Variants in RANBP2 observed in about 807,000 individuals in gnomAD.
The protein encoded by RANBP2 is RAN binding protein 2, also known as E3 SUMO-protein ligase RanBP2.
In RANBP2, 57 loss-of-function variants were observed where a neutral mutation model predicts 303.6. The observed-to-expected ratio is 0.19, with a 90% CI of 0.15 to 0.23. RANBP2 has a LOEUF of 0.23. Among genes scored for constraint, RANBP2 ranks in the 10% least tolerant of loss-of-function variants. The pLI is 1.00. For synonymous variants in RANBP2, 1,167 were observed against 1,301.5 expected (o/e 0.90, Z 2.23); for missense variants, 3,138 against 3,780.8 (o/e 0.83, Z 4.46).
the RANBP2 span, among the ~76,000 whole-genome samples, chr2:109,703,578 G>T: frequency 6.6e-6 from 1 of 152,176 alleles, no homozygotes; most frequent in Non-Finnish European, 1.5e-5. Context: ...ACAGGCACGT[G>T]CCACCACGCC....
the RANBP2 span, among the ~76,000 whole-genome samples, chr2:109,436,004 C>T: frequency 7.9e-5 from 12 of 152,106 alleles, no homozygotes; most frequent in African/African-American, 1.4e-4. Flanking sequence ...TCTGTGTTGC[C>T]GGGAGCTTCC....
the RANBP2 span, among the ~76,000 whole-genome samples, chr2:109,386,493 C>T: frequency 6.6e-6 from 1 of 152,090 alleles, no homozygotes; most frequent in Non-Finnish European, 1.5e-5. Flanking sequence ...GGCGGGCTGT[C>T]CCTCAAACAA....
chr2:109,437,198 G>T, the RANBP2 span: 1 of 1,547,372 alleles, frequency 6.5e-7, no homozygotes, highest in South Asian at 1.2e-5. Context: ...GGGCTTCCTG[G>T]GACATGCTTG....
the RANBP2 span, chr2:109,544,791 A>G: frequency 3.8e-6 from 3 of 788,714 alleles, no homozygotes. Context: ...TCTTTCAAAA[A>G]TAATTGCATG....
the RANBP2 span, among the ~76,000 whole-genome samples, chr2:108,878,655 G>GA: frequency 1.3e-5 from 2 of 152,044 alleles, no homozygotes; most frequent in Admixed American, 1.3e-4. Context: ...CCTTTTATTT[G>GA]AAAAAAATTG....
chr2:109,585,759 G>T, the RANBP2 span: 3 of 1,613,460 alleles, frequency 1.9e-6, no homozygotes. Context: ...TTGCTGAATG[G>T]ATCTGTTCAC....
the RANBP2 span, among the ~76,000 whole-genome samples, chr2:109,404,867 C>T: frequency 1.7e-3 from 262 of 152,282 alleles, 1 homozygote; most frequent in Non-Finnish European, 2.7e-3. Context: ...GCCATCTTGA[C>T]CTCTTGGCAG....
At chr2:109,085,916 T>C in the RANBP2 span, among the ~76,000 whole-genome samples, 1 of 152,184 alleles carries the variant, frequency 6.6e-6, no homozygotes, top group South Asian at 2.1e-4. Context: ...ATCAAAACCA[T>C]TTTTAAGTGC....
At chr2:109,033,481 G>T in the RANBP2 span, among the ~76,000 whole-genome samples, 2 of 152,192 alleles carry the variant, frequency 1.3e-5, no homozygotes, top group African/African-American at 4.8e-5. Flanking sequence ...TAGCTGAGAA[G>T]ATGGGAGCCC....
the RANBP2 span, among the ~76,000 whole-genome samples, chr2:108,821,953 C>G: frequency 6.6e-6 from 1 of 151,502 alleles, no homozygotes; most frequent in Non-Finnish European, 1.5e-5. Context: ...AAAGTATGTC[C>G]TTCCTTTATC....
At chr2:109,142,157 C>T in the RANBP2 span, among the ~76,000 whole-genome samples, 3 of 151,958 alleles carry the variant, frequency 2.0e-5, no homozygotes, top group African/African-American at 4.8e-5. Context: ...TGGAGAGCAG[C>T]AAGGGAATGC....
chr2:109,443,638 AATT>A, the RANBP2 span, among the ~76,000 whole-genome samples: 1 of 152,248 alleles, frequency 6.6e-6, no homozygotes, highest in South Asian at 2.1e-4. Context: ...AATTTATAAA[AATT>A]ATTAGAGATA....
chr2:109,161,508 A>AT, the RANBP2 span, among the ~76,000 whole-genome samples: 1 of 151,496 alleles, frequency 6.6e-6, no homozygotes, highest in Non-Finnish European at 1.5e-5. Context: ...TCGTAAGGCG[A>AT]TGTTTCCTGG....
chr2:108,754,756 T>TA, intron 15 of RANBP2, 149 bp from the exon 16 acceptor site: 3 of 1,233,692 alleles, frequency 2.4e-6, no homozygotes, highest in South Asian at 3.1e-5. Context: ...AAAAGATAAT[T>TA]AAAAAACACT....
chr2:108,887,718 T>C, the RANBP2 span, among the ~76,000 whole-genome samples: 1 of 152,226 alleles, frequency 6.6e-6, no homozygotes, highest in East Asian at 1.9e-4. Flanking sequence ...TTTTATATGT[T>C]GGTTTTGTAT....
chr2:108,769,284 C>CT (rs1413638976), intron 20 of RANBP2: 1 of 984,856 alleles, frequency 1.0e-6, no homozygotes, highest in Non-Finnish European at 1.2e-6. Context: ...CTTTTTAAAT[C>CT]TAATCCCATG....
the RANBP2 span, among the ~76,000 whole-genome samples, chr2:109,641,750 C>T: frequency 3.7e-5 from 2 of 54,672 alleles, no homozygotes; most frequent in Non-Finnish European, 8.6e-5. Context: ...TCCACCCCAT[C>T]ACCATCTTTT....
chr2:108,990,760 C>T, the RANBP2 span, among the ~76,000 whole-genome samples: 2 of 152,132 alleles, frequency 1.3e-5, no homozygotes, highest in African/African-American at 4.8e-5. Context: ...AATATAAGCT[C>T]CCAAACAAGA....
chr2:109,515,149 T>G, the RANBP2 span, among the ~76,000 whole-genome samples: 1 of 152,192 alleles, frequency 6.6e-6, no homozygotes, highest in African/African-American at 2.4e-5. Flanking sequence ...TCAGCCTGGA[T>G]GACCAATGGC....
Sources: allele counts gnomAD v4.1 joint callset (sites outside exome capture counted in the v4.1 genomes callset), GRCh38; gene constraint gnomAD v4.1.1; transcripts MANE v1.5; gene names NCBI Gene and HGNC (gene_info 2026-07-23, HGNC 2026-07-21).